Variants in NEDD9 observed in about 807,000 individuals in gnomAD.
NEDD9 encodes enhancer of filamentation 1.
NEDD9 carries 26 observed loss-of-function variants against 76.6 expected under a neutral mutation model. That is an observed-to-expected ratio of 0.34 (90% CI 0.25 to 0.47). NEDD9 has a LOEUF of 0.47. Among genes scored for constraint, NEDD9 ranks in the 20% least tolerant of loss-of-function variants. The pLI, the probability that NEDD9 is intolerant of heterozygous loss-of-function variation, is 1.00. For missense variants in NEDD9, 937 were observed against 1,058.5 expected (o/e 0.89, Z 1.59); for synonymous variants, 392 against 414.2 (o/e 0.95, Z 0.65).
chr6:11,355,848 G>C (rs1422098888), intron 1 of NEDD9, among the ~76,000 whole-genome samples: 1 of 152,144 alleles, frequency 6.6e-6, no homozygotes, highest in Non-Finnish European at 1.5e-5. Context: ...AGCCTCCCCA[G>C]TAGCTGGGAC....
intron 3 of NEDD9, among the ~76,000 whole-genome samples, chr6:11,260,156 C>T (rs1310245195): frequency 6.6e-6 from 1 of 152,068 alleles, no homozygotes; most frequent in Non-Finnish European, 1.5e-5. Flanking sequence ...AATATTCTTC[C>T]AGGCCTAGCA....
intron 3 of NEDD9, among the ~76,000 whole-genome samples, chr6:11,259,846 T>G (rs78062954): frequency 0.019 from 2,963 of 152,100 alleles, 79 homozygotes; most frequent in African/African-American, 0.066. Context: ...TTGAGAATGA[T>G]GCCAATACTG....
chr6:11,353,673 T>C (rs147482146), intron 1 of NEDD9, among the ~76,000 whole-genome samples: 1 of 152,344 alleles, frequency 6.6e-6, no homozygotes, highest in African/African-American at 2.4e-5. Context: ...TTAGAGTCCA[T>C]AGGACTGGAA....
intron 5 of NEDD9, among the ~76,000 whole-genome samples, chr6:11,188,916 A>G (rs1450227961): frequency 1.3e-5 from 2 of 151,752 alleles, no homozygotes; most frequent in Non-Finnish European, 2.9e-5. Flanking sequence ...ATAAGATAGT[A>G]AGCCTAGTCC....
At chr6:11,263,203 G>C (rs557014439) in intron 3 of NEDD9, among the ~76,000 whole-genome samples, 58 of 152,274 alleles carry the variant, frequency 3.8e-4, no homozygotes, top group Admixed American at 1.2e-3. Context: ...AGATAACCAG[G>C]CAGGATTTTG....
At chr6:11,374,987 T>G (rs1418602009) in intron 1 of NEDD9, among the ~76,000 whole-genome samples, 1 of 152,228 alleles carries the variant, frequency 6.6e-6, no homozygotes, top group Non-Finnish European at 1.5e-5. Context: ...TTCCCTCCTT[T>G]GATGTCCCCT....
At chr6:11,192,289 C>CA (rs5874310) in intron 4 of NEDD9, 56 bp downstream of exon 4, 14 of 470,328 alleles carry the variant, frequency 3.0e-5, no homozygotes, top group East Asian at 5.3e-5. Flanking sequence ...CTGCACCCCC[C>CA]GACACACAGA....
intron 1 of NEDD9, among the ~76,000 whole-genome samples, chr6:11,216,724 T>C (rs1374255138): frequency 6.6e-6 from 1 of 152,194 alleles, no homozygotes; most frequent in East Asian, 1.9e-4. Flanking sequence ...TGGTAAGCTA[T>C]GGTGATGTTT....
rs1433093432 is a variant in NEDD9 at position 11,198,659 on chromosome 6, T to TC, written c.460-4968dup. The TC allele has an allele frequency of 2.0e-5, 3 of 152,202 alleles. No individual in the cohort carries two copies. The highest frequency in any genetic ancestry group is 7.2e-5 in the African/African-American group (3 of 41,436). The allele number at this position is 152,202 out of a possible 1,614,324, so 9.4% of individuals were successfully genotyped here. ...CCAGCATTTTAAAGTCAGAGATCAT[T>TC]CCCTCTTCATTTAAATATAAACCAC... On this transcript the variant is annotated intron_variant, in intron 2 of 6. Coordinates refer to ENST00000379446, the MANE Select transcript of NEDD9 (RefSeq NM_006403.4). The surrounding 1 kb of genome is among the most constrained non-coding windows in gnomAD (Gnocchi z 4.7).
intron 1 of NEDD9, among the ~76,000 whole-genome samples, chr6:11,346,890 C>G (rs1003816872): frequency 6.6e-6 from 1 of 152,144 alleles, no homozygotes; most frequent in Admixed American, 6.5e-5. Context: ...TTAGTCAGGA[C>G]TGGCCTGAAA....
chr6:11,343,553 C>T (rs1329928138), intron 1 of NEDD9, among the ~76,000 whole-genome samples: 1 of 152,150 alleles, frequency 6.6e-6, no homozygotes, highest in Non-Finnish European at 1.5e-5. Flanking sequence ...TTTTGTCTTG[C>T]TTTATATTAC....
At chr6:11,192,560 C>T in intron 3 of NEDD9, 114 bp from the exon 4 acceptor site, 1 of 677,192 alleles carries the variant, frequency 1.5e-6, no homozygotes, top group Non-Finnish European at 2.5e-6. Context: ...CAAGCTTGAT[C>T]TTTGGCAGTG....
At chr6:11,245,049 C>G (rs919000201) in intron 3 of NEDD9, among the ~76,000 whole-genome samples, 3 of 152,328 alleles carry the variant, frequency 2.0e-5, no homozygotes, top group African/African-American at 7.2e-5. Context: ...CTTTGCACCC[C>G]CTGTGGCAGC....
chr6:11,355,653 A>G (rs1762550956), intron 1 of NEDD9, among the ~76,000 whole-genome samples: 1 of 152,052 alleles, frequency 6.6e-6, no homozygotes, highest in South Asian at 2.1e-4. Flanking sequence ...CGTATGTGGC[A>G]GGAGGAGGAG....
chr6:11,324,476 C>T (rs747370779), intron 2 of NEDD9, among the ~76,000 whole-genome samples: 1 of 152,216 alleles, frequency 6.6e-6, no homozygotes, highest in Non-Finnish European at 1.5e-5. Flanking sequence ...CTTCATGGCA[C>T]GTCACCTGTG....
At chr6:11,226,255 G>GT (rs369460319) in intron 1 of NEDD9, among the ~76,000 whole-genome samples, 27 of 151,500 alleles carry the variant, frequency 1.8e-4, no homozygotes, top group African/African-American at 3.1e-4. Flanking sequence ...TATAAACAGG[G>GT]TTTTTTTTTG....
chr6:11,276,514 G>A (rs1253240704), intron 3 of NEDD9, among the ~76,000 whole-genome samples: 1 of 152,216 alleles, frequency 6.6e-6, no homozygotes, highest in Non-Finnish European at 1.5e-5. Context: ...TAGAACAGGG[G>A]TTTGCAGGGA....
At chr6:11,287,794 C>G (rs1296119221) in intron 3 of NEDD9, among the ~76,000 whole-genome samples, 1 of 152,176 alleles carries the variant, frequency 6.6e-6, no homozygotes, top group Non-Finnish European at 1.5e-5. Flanking sequence ...AAGACGCTAA[C>G]CCATCACCCA....
chr6:11,346,486 C>CCT (rs1554134772), intron 1 of NEDD9, among the ~76,000 whole-genome samples: 4 of 151,308 alleles, frequency 2.6e-5, no homozygotes, highest in African/African-American at 7.3e-5. Context: ...GGCCCCCCCC[C>CCT]CCGAGGTGAG....
Sources: gnomAD v4.1 joint callset for allele counts (sites outside exome capture counted in the v4.1 genomes callset) on GRCh38, gnomAD v4.1.1 for gene constraint, Gnocchi (gnomAD v3.1) non-coding constraint, MANE v1.5 for transcripts, NCBI Gene and HGNC (gene_info 2026-07-23, HGNC 2026-07-21) for gene names.